The following SBF2 variants were observed in gnomAD, a reference collection of about 807,000 sequenced individuals.
SBF2 encodes the protein SET binding factor 2.
Under a neutral mutation model 225.2 loss-of-function variants are expected in SBF2, and 112 were observed. That is an observed-to-expected ratio of 0.50 (90% CI 0.43 to 0.58). SBF2 has a LOEUF of 0.58. Among genes scored for constraint, SBF2 ranks in the 20% least tolerant of loss-of-function variants. SBF2 has a pLI of 0.00. For missense variants in SBF2, 1,996 were observed against 2,206.2 expected (o/e 0.90, Z 1.91); for synonymous variants, 763 against 773.3 (o/e 0.99, Z 0.22).
At chr11:9,787,076 A>G (rs1852422334) in intron 36 of SBF2, among the ~76,000 whole-genome samples, 1 of 152,094 alleles carries the variant, frequency 6.6e-6, no homozygotes, top group Non-Finnish European at 1.5e-5. Context: ...TTGTATTTTT[A>G]GTAGAGACGG....
intron 26 of SBF2, among the ~76,000 whole-genome samples, chr11:9,835,579 T>C (rs1855679693): frequency 7.7e-6 from 1 of 130,162 alleles, no homozygotes; most frequent in Admixed American, 9.2e-5. Context: ...CTGCAGTGAG[T>C]TGGAATCACA....
intron 1 of SBF2, among the ~76,000 whole-genome samples, chr11:10,290,125 T>C (rs1279979590): frequency 3.9e-5 from 6 of 152,204 alleles, no homozygotes; most frequent in African/African-American, 1.2e-4. Context: ...TTCTGGATTG[T>C]ATTACTTAAA....
In SBF2 at chr11:9,896,117, T is replaced by C. The variant is rs1861234879; in HGVS notation, c.1861-106A>G. The C allele has an allele frequency of 3.2e-6, 3 of 925,928 alleles. No homozygotes were observed. In the African/African-American group the frequency reaches 4.9e-5, roughly 15 times the overall value. 57.4% of individuals were successfully genotyped at this position (925,928 alleles called of 1,614,324 possible). A position where few individuals can be genotyped will look rare whatever the true frequency, so the allele number is the denominator to read the frequency against. On this transcript the variant is annotated intron_variant, in intron 16 of 39. Coordinates refer to ENST00000256190, the MANE Select transcript of SBF2 (RefSeq NM_030962.4). ...ACTGTTTACTGTCCTATGGGGTTTT[T>C]ACCTTTTTATTTTGCAGAGGACCTG... is the stretch of plus-strand genomic sequence containing the variant.
At chr11:9,893,800 G>C (rs1035871154) in intron 17 of SBF2, among the ~76,000 whole-genome samples, 6 of 152,208 alleles carry the variant, frequency 3.9e-5, no homozygotes, top group African/African-American at 1.2e-4. Flanking sequence ...CTAGATCTGG[G>C]AAGGGGCTCT....
At chr11:9,912,755 C>T (rs554455280) in intron 16 of SBF2, among the ~76,000 whole-genome samples, 43 of 152,254 alleles carry the variant, frequency 2.8e-4, no homozygotes, top group African/African-American at 9.1e-4. Flanking sequence ...CCTAAGTAGA[C>T]AACAACAAAA....
At chr11:10,166,821 G>A (rs1955973872) in intron 2 of SBF2, among the ~76,000 whole-genome samples, 1 of 152,008 alleles carries the variant, frequency 6.6e-6, no homozygotes, top group Non-Finnish European at 1.5e-5. Context: ...AATAAGCCAG[G>A]TATAGTGGCG....
intron 1 of SBF2, among the ~76,000 whole-genome samples, chr11:10,264,654 A>G (rs760007408): frequency 3.3e-5 from 5 of 152,176 alleles, no homozygotes; most frequent in Non-Finnish European, 5.9e-5. Context: ...TTACATAGTT[A>G]TATACATGCT....
Position 9,814,634 on chromosome 11 carries a change from T to C in SBF2, c.3979-1926A>G, listed in dbSNP as rs559199409. On this transcript the variant is annotated intron_variant, in intron 29 of 39. Coordinates refer to ENST00000256190, the MANE Select transcript of SBF2 (RefSeq NM_030962.4). ...GACTAAAATAGTTATGAAGACTATATGACATGGAAACATAATGTTAAGGCT... is the reference window on the plus strand; with the variant it reads ...GACTAAAATAGTTATGAAGACTATACGACATGGAAACATAATGTTAAGGCT... Among the ~76,000 whole-genome samples, 7 of 152,316 alleles carry C rather than the reference T, an allele frequency of 4.6e-5. No individual in the cohort carries two copies. In the East Asian group the frequency reaches 1.3e-3, roughly 29 times the overall value.
At chr11:9,933,635 GA>G (rs1864667350) in intron 16 of SBF2, among the ~76,000 whole-genome samples, 1 of 152,182 alleles carries the variant, frequency 6.6e-6, no homozygotes, top group South Asian at 2.1e-4. Flanking sequence ...CAACGTATCA[GA>G]ATCTCTGGGG....
intron 17 of SBF2, among the ~76,000 whole-genome samples, chr11:9,882,944 T>A (rs1054283288): frequency 6.6e-6 from 1 of 151,846 alleles, no homozygotes; most frequent in Non-Finnish European, 1.5e-5. Flanking sequence ...GCACCTAAAA[T>A]AGCTATCTAT....
intron 26 of SBF2, 33 bp downstream of exon 26, chr11:9,839,465 A>C (rs370575464): frequency 9.4e-6 from 15 of 1,596,506 alleles, no homozygotes; most frequent in African/African-American, 4.0e-5. Flanking sequence ...AAAGGAAGGA[A>C]GACCTCTTTT....
At chr11:9,981,534 A>T (rs2134434252) in intron 13 of SBF2, among the ~76,000 whole-genome samples, 1 of 152,362 alleles carries the variant, frequency 6.6e-6, no homozygotes, top group Admixed American at 6.5e-5. Context: ...TATTTTTTCA[A>T]GAGATATACA....
intron 16 of SBF2, among the ~76,000 whole-genome samples, chr11:9,952,085 G>A (rs929036376): frequency 1.3e-5 from 2 of 152,216 alleles, no homozygotes; most frequent in African/African-American, 4.8e-5. Flanking sequence ...TTGCCTGGAA[G>A]GCAGGCTGCC....
At chr11:10,155,202 T>A (rs1415258682) in intron 2 of SBF2, among the ~76,000 whole-genome samples, 1 of 152,234 alleles carries the variant, frequency 6.6e-6, no homozygotes, top group South Asian at 2.1e-4. Context: ...TGTTTCACTA[T>A]CACTCAGAAG....
chr11:9,914,445 T>C (rs771911788), intron 16 of SBF2, among the ~76,000 whole-genome samples: 7 of 152,132 alleles, frequency 4.6e-5, no homozygotes, highest in Non-Finnish European at 8.8e-5. Context: ...GGAAGCAAAA[T>C]AGTCTTTTCA....
intron 2 of SBF2, among the ~76,000 whole-genome samples, chr11:10,123,249 C>T (rs933062070): frequency 2.0e-5 from 3 of 152,066 alleles, no homozygotes. Context: ...CAAACAGAAA[C>T]AGGAATAAGA....
At chr11:10,116,973 T>C in intron 2 of SBF2, among the ~76,000 whole-genome samples, 1 of 152,194 alleles carries the variant, frequency 6.6e-6, no homozygotes. Context: ...CTCTTTTTCA[T>C]TAGAGGAAAT....
Position 10,063,211 on chromosome 11 carries a change from C to T in SBF2, c.142-20230G>A, listed in dbSNP as rs571293973. On this transcript the variant is annotated intron_variant, in intron 2 of 39. Coordinates refer to ENST00000256190, the MANE Select transcript of SBF2 (RefSeq NM_030962.4). ...GAAGGGAGAAGAACAGAAAAGATAACTATTGGGTACTTGGCTTAATAACTT... is the reference window on the plus strand; with the variant it reads ...GAAGGGAGAAGAACAGAAAAGATAATTATTGGGTACTTGGCTTAATAACTT... Among the ~76,000 whole-genome samples, 16 of 151,930 alleles carry T rather than the reference C, an allele frequency of 1.1e-4. No homozygotes were observed. The East Asian group carries it at 2.9e-3, about 28-fold the overall frequency.
chr11:9,949,980 A>T (rs1205882500), intron 16 of SBF2, among the ~76,000 whole-genome samples: 2 of 152,152 alleles, frequency 1.3e-5, no homozygotes, highest in East Asian at 3.8e-4. Flanking sequence ...TAAATATACA[A>T]CTTTATCTGT....
Sources: allele counts gnomAD v4.1 joint callset (sites outside exome capture counted in the v4.1 genomes callset), GRCh38; gene constraint gnomAD v4.1.1; transcripts MANE v1.5; gene names NCBI Gene and HGNC (gene_info 2026-07-23, HGNC 2026-07-21).